ZNF860: variants seen among roughly 807,000 people sequenced by gnomAD.
ZNF860 encodes zinc finger protein 860.
For synonymous variants in ZNF860, 206 were observed against 248.9 expected (o/e 0.83, Z 1.62); for missense variants, 641 against 759.2 (o/e 0.84, Z 1.83).
At chr3:32,003,851 A>T in the ZNF860 span, among the ~76,000 whole-genome samples, 1 of 152,160 alleles carries the variant, frequency 6.6e-6, no homozygotes, top group Non-Finnish European at 1.5e-5. Context: ...AAAAGGGAGA[A>T]CAGTGGATTT....
Position 31,990,667 on chromosome 3 carries a change from A to T in ZNF860, c.1588A>T (p.Arg530Ter), listed in dbSNP as rs764060723. ...NQQATLARHH[R>*]LHTGEKPYKC... ...ACAAGCAACCCTTGCACGTCATCAT[A>T]GACTTCATACTGGAGAGAAACCTTA... is the stretch of plus-strand genomic sequence containing the variant. The change falls in exon 2 of 2, where the codon AGA becomes TGA. Residue 530 changes from arginine to a stop codon, truncating the protein, a stop_gained. Coordinates refer to ENST00000360311, the MANE Select transcript of ZNF860 (RefSeq NM_001137674.3). LOFTEE classifies it low-confidence loss of function (END_TRUNC). 6.2e-7 allele frequency: 1 copy of T among 1,614,168 alleles called. No individual in the cohort carries two copies. Among genetic ancestry groups the T allele is most frequent in the South Asian group, 1.1e-5 (1 of 91,076 alleles).
chr3:32,004,933 G>A, the ZNF860 span, among the ~76,000 whole-genome samples: 1 of 152,098 alleles, frequency 6.6e-6, no homozygotes, highest in Non-Finnish European at 1.5e-5. Context: ...TCCCACTTAT[G>A]TTTCTCCCCA....
At chr3:31,984,267 C>T (rs535054431) in intron 1 of ZNF860, among the ~76,000 whole-genome samples, 2 of 151,684 alleles carry the variant, frequency 1.3e-5, no homozygotes, top group Non-Finnish European at 2.9e-5. Flanking sequence ...GTCTCGATCT[C>T]GTGACCTCGT....
At chr3:31,997,279 A>G in the ZNF860 span, among the ~76,000 whole-genome samples, 1 of 151,366 alleles carries the variant, frequency 6.6e-6, no homozygotes, top group Non-Finnish European at 1.5e-5. Context: ...TTTTTTTTCA[A>G]GATGGAGTCT....
the ZNF860 span, among the ~76,000 whole-genome samples, chr3:31,999,782 C>G: frequency 6.6e-6 from 1 of 152,124 alleles, no homozygotes; most frequent in East Asian, 1.9e-4. Flanking sequence ...GCCCACAGCC[C>G]GGTGAAATGA....
the ZNF860 span, among the ~76,000 whole-genome samples, chr3:32,005,794 A>G: frequency 7.3e-5 from 11 of 151,692 alleles, no homozygotes; most frequent in Non-Finnish European, 1.3e-4. Context: ...TCACCGTGTT[A>G]GCCGCATGGT....
chr3:31,996,670 T>A (rs1699093014), downstream of ZNF860, among the ~76,000 whole-genome samples: 1 of 152,190 alleles, frequency 6.6e-6, no homozygotes, highest in South Asian at 2.1e-4. Flanking sequence ...GTGCTGACGT[T>A]TCTTTTTGGA....
At position 31,989,313 on chromosome 3, in the gene ZNF860, G is replaced by A. The variant is rs376442627; in HGVS notation, c.234G>A (p.Ala78=). 87 of 1,614,036 alleles carry A rather than the reference G, an allele frequency of 5.4e-5. No homozygotes were observed. The Middle Eastern group carries it at 8.2e-4, about 15-fold the overall frequency. ...TGATGAAGAAGTTCTCATCAACAGC[G>A]CAAGGCAATACAGAAGTGGACACAG... ...KCMMKKFSST[A]QGNTEVDTGT... Residue 78 remains alanine, a synonymous_variant, in exon 2 of 2, where the codon GCG becomes GCA. Coordinates refer to ENST00000360311, the MANE Select transcript of ZNF860 (RefSeq NM_001137674.3).
In ZNF860 at chr3:31,989,924, G is replaced by C. The variant is rs527392841; in HGVS notation, c.845G>C (p.Gly282Ala). 42 of 1,614,178 alleles carry C rather than the reference G, an allele frequency of 2.6e-5. No homozygotes were observed. In the African/African-American group the frequency reaches 5.1e-4, roughly 19 times the overall value. The change falls in exon 2 of 2, where the codon GGT becomes GCT. Residue 282 changes from glycine (G) to alanine (A), a missense_variant. Physicochemically the swap from Gly to Ala is moderately conservative, Grantham distance 60. Coordinates refer to ENST00000360311, the MANE Select transcript of ZNF860 (RefSeq NM_001137674.3). ...YLACHHRCHT[G>A]EKPYKCNECG... is the part of the protein sequence containing the mutation. ...GCATGCCATCATAGATGTCACACTG[G>C]TGAGAAACCTTACAAGTGTAATGAA...
downstream of ZNF860, among the ~76,000 whole-genome samples, chr3:31,993,078 G>A (rs1024338601): frequency 5.9e-5 from 9 of 151,928 alleles, no homozygotes; most frequent in African/African-American, 1.7e-4. Context: ...AGCCAAAGAC[G>A]GGAAAATATT....
At chr3:31,997,597 A>G in the ZNF860 span, among the ~76,000 whole-genome samples, 1 of 151,758 alleles carries the variant, frequency 6.6e-6, no homozygotes, top group Non-Finnish European at 1.5e-5. Flanking sequence ...GAGTTAGTGA[A>G]TTAGCAAATG....
Position 31,988,761 on chromosome 3 carries a change from C to T in ZNF860, c.-319C>T. The T allele has an allele frequency of 2.6e-6, 1 of 380,232 alleles. No homozygotes were observed. The highest frequency in any genetic ancestry group is 5.2e-5 in the East Asian group (1 of 19,348). The allele number at this position is 380,232 out of a possible 1,614,324, so 23.6% of individuals were successfully genotyped here. A position where few individuals can be genotyped will look rare whatever the true frequency, so the allele number is the denominator to read the frequency against. ...GGTGTGCCAGCCACTGTGTCAGTCA[C>T]CTTATAAGCAGATTTTCTGAGACCT... On this transcript the variant is annotated 5_prime_UTR_variant, in exon 2 of 2. Transcript: ENST00000360311.
the ZNF860 span, among the ~76,000 whole-genome samples, chr3:32,001,642 T>G: frequency 6.6e-6 from 1 of 152,212 alleles, no homozygotes; most frequent in South Asian, 2.1e-4. Flanking sequence ...GAGCAGGAAC[T>G]GTTACCATCA....
the ZNF860 span, among the ~76,000 whole-genome samples, chr3:32,000,482 G>A: frequency 6.6e-6 from 1 of 152,192 alleles, no homozygotes; most frequent in Non-Finnish European, 1.5e-5. Flanking sequence ...AGGGCGAAAT[G>A]AAATTGTAAG....
the ZNF860 span, among the ~76,000 whole-genome samples, chr3:31,998,786 T>C: frequency 6.6e-6 from 1 of 152,240 alleles, no homozygotes; most frequent in African/African-American, 2.4e-5. Flanking sequence ...TTGGTTTTTC[T>C]GTCCCTACTG....
Position 31,988,860 on chromosome 3 carries a change from C to A in ZNF860, c.-220C>A. Reference sequence around the variant, plus strand: ...CCTTGAGATGACTGCAGCCATGACCCACAGCTTGACTACAACCCAGAGAGA... The same window carrying A: ...CCTTGAGATGACTGCAGCCATGACCAACAGCTTGACTACAACCCAGAGAGA... On this transcript the variant is annotated 5_prime_UTR_variant, in exon 2 of 2. Coordinates refer to ENST00000360311, the MANE Select transcript of ZNF860 (RefSeq NM_001137674.3). The A allele has an allele frequency of 1.6e-6, 1 of 607,614 alleles. No individual in the cohort carries two copies. The highest frequency in any genetic ancestry group is 2.9e-6 in the Non-Finnish European group (1 of 349,896). 37.6% of individuals were successfully genotyped at this position (607,614 alleles called of 1,614,324 possible).
At chr3:32,001,095 G>T in the ZNF860 span, among the ~76,000 whole-genome samples, 1 of 152,172 alleles carries the variant, frequency 6.6e-6, no homozygotes, top group Non-Finnish European at 1.5e-5. Flanking sequence ...GCATCTAGGG[G>T]CGCTGTTGTC....
chr3:31,984,519 G>A (rs1698906473), intron 1 of ZNF860, among the ~76,000 whole-genome samples: 1 of 152,086 alleles, frequency 6.6e-6, no homozygotes, highest in African/African-American at 2.4e-5. Context: ...CTGGGTGGTG[G>A]CAACTGGTCC....
At chr3:32,003,158 C>T in the ZNF860 span, among the ~76,000 whole-genome samples, 38 of 152,194 alleles carry the variant, frequency 2.5e-4, no homozygotes, top group Non-Finnish European at 4.0e-4. Context: ...GAAGGCAAAT[C>T]AACGGAATGT....
Sources: gnomAD v4.1 joint callset for allele counts (sites outside exome capture counted in the v4.1 genomes callset) on GRCh38, gnomAD v4.1.1 for gene constraint, MANE v1.5 for transcripts, NCBI Gene and HGNC (gene_info 2026-07-23, HGNC 2026-07-21) for gene names.